Variants in SBF2 observed in about 807,000 individuals in gnomAD.
SBF2 encodes the protein myotubularin-related protein 13.
In SBF2, 112 loss-of-function variants were observed where a neutral mutation model predicts 225.2. The ratio of observed to expected loss-of-function variants is 0.50; its 90% confidence interval spans 0.43 to 0.58. SBF2 has a LOEUF of 0.58. Ranked by LOEUF, SBF2 falls within the 20% of genes least tolerant of loss-of-function variation. SBF2 has a pLI of 0.00. For synonymous variants in SBF2, 763 were observed against 773.3 expected, an observed-to-expected ratio of 0.99 and a Z score of 0.22; for missense variants, 1,996 against 2,206.2, an observed-to-expected ratio of 0.90 and a Z score of 1.91.
At chr11:10,263,100 T>A (rs1214022288) in intron 1 of SBF2, among the ~76,000 whole-genome samples, 1 of 152,020 alleles carries the variant, frequency 6.6e-6, no homozygotes, top group African/African-American at 2.4e-5. Flanking sequence ...AATCTTAAAA[T>A]CTCCTCCTTA....
At chr11:10,028,375 G>C (rs1949124884) in intron 6 of SBF2, 77 bp downstream of exon 6, 1 of 887,220 alleles carries the variant, frequency 1.1e-6, no homozygotes, top group South Asian at 1.3e-5. Flanking sequence ...ATTCATGTGA[G>C]GTGATGTCGA....
chr11:9,959,028 G>C, intron 16 of SBF2: 1 of 1,331,316 alleles, frequency 7.5e-7, no homozygotes, highest in Non-Finnish European at 1.1e-6. Flanking sequence ...TCTCCCGCAT[G>C]GCCTTGGTGC....
rs536338315 is a variant in SBF2 at position 10,112,087 on chromosome 11, T to C, written c.142-69106A>G. ...ATCAAAGTATGAATAAGACCAGCCA[T>C]GAACTAAATGTCACATTCTACACAT... is the stretch of plus-strand genomic sequence containing the variant. On this transcript the variant is annotated intron_variant, in intron 2 of 39. Coordinates refer to ENST00000256190, the MANE Select transcript of SBF2 (RefSeq NM_030962.4). Among the ~76,000 whole-genome samples the C allele has an allele frequency of 3.8e-3, 582 of 152,350 alleles. 4 individuals are homozygous for C. The highest frequency in any genetic ancestry group is 5.4e-3 in the South Asian group (26 of 4,830).
intron 29 of SBF2, among the ~76,000 whole-genome samples, chr11:9,815,649 C>T (rs1250422444): frequency 6.6e-6 from 1 of 152,044 alleles, no homozygotes; most frequent in South Asian, 2.1e-4. Flanking sequence ...AGCTAAACCT[C>T]GGAGAGTGAT....
In SBF2 at chr11:9,945,623, A is replaced by G. The variant is rs182247632; in HGVS notation, c.1860+16334T>C. Among the ~76,000 whole-genome samples the G allele has an allele frequency of 3.8e-3, 579 of 152,308 alleles. 4 individuals are homozygous for G. Among genetic ancestry groups the G allele is most frequent in the South Asian group, 5.4e-3 (26 of 4,830 alleles). On this transcript the variant is annotated intron_variant, in intron 16 of 39. Coordinates refer to ENST00000256190, the MANE Select transcript of SBF2 (RefSeq NM_030962.4). ...GGATCTAAATAAACAGCTTTGGCAC[A>G]GCAAAAGAAACTATCTAAAGAGTAA...
intron 13 of SBF2, among the ~76,000 whole-genome samples, chr11:9,974,655 C>CCA (rs1554971180): frequency 9.7e-4 from 95 of 98,424 alleles, no homozygotes; most frequent in African/African-American, 2.9e-3. Context: ...CAACACCGCC[C>CCA]AAAAAAAAAA....
intron 38 of SBF2, chr11:9,782,909 A>G (rs984225955): frequency 1.3e-5 from 2 of 152,052 alleles, no homozygotes; most frequent in Non-Finnish European, 2.9e-5. Flanking sequence ...AAAAAAGTCA[A>G]AGAGACTGCT....
intron 16 of SBF2, among the ~76,000 whole-genome samples, chr11:9,921,449 C>T (rs902770092): frequency 9.2e-5 from 14 of 152,184 alleles, no homozygotes; most frequent in Admixed American, 6.5e-5. Flanking sequence ...GCCACAGCGA[C>T]CTGTGTTTTA....
chr11:10,139,677 TATTTA>T (rs1954551630), intron 2 of SBF2, among the ~76,000 whole-genome samples: 1 of 152,244 alleles, frequency 6.6e-6, no homozygotes, highest in East Asian at 1.9e-4. Flanking sequence ...CTATTTGCTT[TATTTA>T]ATTTTTGTTC....
At chr11:10,209,456 T>C (rs1957858308) in intron 1 of SBF2, among the ~76,000 whole-genome samples, 1 of 152,130 alleles carries the variant, frequency 6.6e-6, no homozygotes, top group Non-Finnish European at 1.5e-5. Context: ...CAAAAAGCAT[T>C]ACAGATTGTT....
intron 17 of SBF2, among the ~76,000 whole-genome samples, chr11:9,870,175 C>G (rs541154097): frequency 1.3e-5 from 2 of 152,172 alleles, no homozygotes; most frequent in African/African-American, 4.8e-5. Flanking sequence ...TCAAAGAGAA[C>G]TACAAACCAC....
intron 10 of SBF2, among the ~76,000 whole-genome samples, 155 bp from the exon 11 acceptor site, chr11:9,993,258 T>G (rs1489243284): frequency 6.6e-6 from 1 of 152,164 alleles, no homozygotes; most frequent in East Asian, 1.9e-4. Context: ...AAGAAAAAAC[T>G]CTCAAGATTG....
chr11:9,877,632 T>G (rs1859373027), intron 17 of SBF2, among the ~76,000 whole-genome samples: 2 of 151,772 alleles, frequency 1.3e-5, no homozygotes, highest in Non-Finnish European at 1.5e-5. Context: ...CACCTATGAG[T>G]GAGAACATGC....
intron 22 of SBF2, among the ~76,000 whole-genome samples, chr11:9,847,851 T>G (rs903587233): frequency 6.6e-6 from 1 of 152,262 alleles, no homozygotes; most frequent in African/African-American, 2.4e-5. Flanking sequence ...TATAATAATA[T>G]GTGGTTAGCT....
chr11:10,123,270 A>G (rs888916860), intron 2 of SBF2, among the ~76,000 whole-genome samples: 1 of 152,210 alleles, frequency 6.6e-6, no homozygotes, highest in African/African-American at 2.4e-5. Flanking sequence ...AGGGAAACAT[A>G]GGGTTCAGCT....
At chr11:10,204,267 C>T (rs899209020) in intron 1 of SBF2, among the ~76,000 whole-genome samples, 1 of 147,018 alleles carries the variant, frequency 6.8e-6, no homozygotes, top group Non-Finnish European at 1.5e-5. Context: ...ATCAACCAAA[C>T]GTTTTATACC....
intron 17 of SBF2, among the ~76,000 whole-genome samples, chr11:9,865,373 G>C (rs1399904426): frequency 1.3e-5 from 2 of 151,936 alleles, no homozygotes; most frequent in African/African-American, 4.8e-5. Flanking sequence ...ACTGAGATAA[G>C]TACCATTATT....
chr11:9,856,417 A>T, intron 19 of SBF2, 41 bp downstream of exon 19: 1 of 1,612,428 alleles, frequency 6.2e-7, no homozygotes, highest in Non-Finnish European at 8.5e-7. Context: ...ACTGGCCCCA[A>T]GAAGAGTAGG....
intron 16 of SBF2, chr11:9,915,694 T>C (rs1261748847): frequency 6.6e-6 from 1 of 152,102 alleles, no homozygotes; most frequent in South Asian, 2.1e-4. Context: ...GTTAGTAGGT[T>C]GACCAAATAA....
Sources: allele counts gnomAD v4.1 joint callset (sites outside exome capture counted in the v4.1 genomes callset), GRCh38; gene constraint gnomAD v4.1.1; transcripts MANE v1.5; gene names NCBI Gene and HGNC (gene_info 2026-07-23, HGNC 2026-07-21).